The following CCSER1 variants were observed in gnomAD, a reference collection of about 807,000 sequenced individuals.
CCSER1 encodes the protein coiled-coil serine rich protein 1.
A neutral mutation model predicts 82.0 loss-of-function variants in CCSER1; 41 were observed. The ratio of observed to expected loss-of-function variants is 0.50; its 90% CI spans 0.39 to 0.65. The LOEUF (loss-of-function observed/expected upper bound fraction) is 0.65, where lower values mean the gene tolerates loss of function less well. Among genes scored for constraint, CCSER1 ranks in the 30% least tolerant of loss-of-function variants. CCSER1 has a pLI of 0.00. For synonymous variants in CCSER1, 414 were observed against 383.9 expected (o/e 1.08, Z -0.92); for missense variants, 1,119 against 1,064.2 (o/e 1.05, Z -0.72).
intron 9 of CCSER1, among the ~76,000 whole-genome samples, chr4:91,048,841 A>C (rs1345261392): frequency 6.6e-6 from 1 of 152,190 alleles, no homozygotes; most frequent in Non-Finnish European, 1.5e-5. Flanking sequence ...TCAAGTACAC[A>C]CTGCATTACA....
At chr4:91,208,058 T>C (rs748720053) in intron 10 of CCSER1, among the ~76,000 whole-genome samples, 10 of 151,774 alleles carry the variant, frequency 6.6e-5, no homozygotes, top group Non-Finnish European at 1.2e-4. Context: ...TGTCCTCTGT[T>C]CACTATTTAA....
intron 8 of CCSER1, among the ~76,000 whole-genome samples, chr4:90,841,484 A>G (rs62311117): frequency 0.28 from 42,370 of 150,160 alleles, 6,205 homozygotes; most frequent in South Asian, 0.33. Flanking sequence ...AGGCTGAGGC[A>G]GGAGAATGGC....
At chr4:90,303,217 G>A (rs987028282) in intron 1 of CCSER1, among the ~76,000 whole-genome samples, 1 of 152,132 alleles carries the variant, frequency 6.6e-6, no homozygotes, top group East Asian at 1.9e-4. Flanking sequence ...GTGGAAGTCT[G>A]GTGGTTTTCA....
At chr4:91,224,568 A>G (rs553150012) in intron 10 of CCSER1, among the ~76,000 whole-genome samples, 1 of 152,198 alleles carries the variant, frequency 6.6e-6, no homozygotes, top group Non-Finnish European at 1.5e-5. Flanking sequence ...GTTTGAATTA[A>G]ATTTAATAAG....
chr4:90,917,296 A>C (rs917110655), intron 8 of CCSER1, among the ~76,000 whole-genome samples: 7 of 152,210 alleles, frequency 4.6e-5, no homozygotes, highest in African/African-American at 7.2e-5. Flanking sequence ...CTGGATTAAG[A>C]AAATGTGGCA....
At chr4:90,841,146 A>C (rs543741262) in intron 8 of CCSER1, among the ~76,000 whole-genome samples, 1 of 150,916 alleles carries the variant, frequency 6.6e-6, no homozygotes, top group East Asian at 2.0e-4. Context: ...CAGCCAATGT[A>C]GAAGCTTGAG....
At chr4:90,233,559 C>T (rs536138778) in intron 1 of CCSER1, among the ~76,000 whole-genome samples, 47 of 151,616 alleles carry the variant, frequency 3.1e-4, no homozygotes, top group Non-Finnish European at 5.7e-4. Flanking sequence ...ACCAGCATGG[C>T]ACATGTATAC....
intron 10 of CCSER1, among the ~76,000 whole-genome samples, chr4:91,099,804 TC>T (rs1350385112): frequency 6.6e-6 from 1 of 152,166 alleles, no homozygotes; most frequent in Non-Finnish European, 1.5e-5. Context: ...AGACCAAGGT[TC>T]TTTTGAGGTC....
intron 3 of CCSER1, among the ~76,000 whole-genome samples, chr4:90,343,485 G>A (rs1741789097): frequency 1.3e-5 from 2 of 152,046 alleles, no homozygotes; most frequent in Admixed American, 6.6e-5. Flanking sequence ...GGTGGTAGTG[G>A]AGCGCGTTTG....
intron 10 of CCSER1, among the ~76,000 whole-genome samples, chr4:91,529,223 C>T (rs903499358): frequency 1.3e-5 from 2 of 152,036 alleles, no homozygotes; most frequent in African/African-American, 4.8e-5. Flanking sequence ...TTAAAATAGA[C>T]TGCACTTATC....
chr4:91,075,224 T>G (rs1721853576), intron 9 of CCSER1, among the ~76,000 whole-genome samples: 1 of 152,008 alleles, frequency 6.6e-6, no homozygotes, highest in African/African-American at 2.4e-5. Context: ...CCTGCCGTAC[T>G]AAACCATCTT....
At chr4:91,237,995 G>A (rs545890614) in intron 10 of CCSER1, among the ~76,000 whole-genome samples, 5 of 152,192 alleles carry the variant, frequency 3.3e-5, no homozygotes, top group Admixed American at 3.3e-4. Flanking sequence ...AAGCCTCTGG[G>A]GATAGAGAGT....
intron 8 of CCSER1, among the ~76,000 whole-genome samples, chr4:90,855,791 A>G (rs1764396066): frequency 6.6e-6 from 1 of 152,146 alleles, no homozygotes; most frequent in African/African-American, 2.4e-5. Context: ...CTTCATATAA[A>G]TGAAGAGGCT....
intron 10 of CCSER1, among the ~76,000 whole-genome samples, chr4:91,164,241 A>C: frequency 6.6e-6 from 1 of 152,154 alleles, no homozygotes; most frequent in Non-Finnish European, 1.5e-5. Context: ...TTCCTTTAAG[A>C]ATGTTGAATA....
At chr4:90,980,007 A>G (rs1362897946) in intron 9 of CCSER1, among the ~76,000 whole-genome samples, 3 of 151,806 alleles carry the variant, frequency 2.0e-5, no homozygotes, top group Admixed American at 2.0e-4. Context: ...TAATAAACTG[A>G]TACAGGATAT....
intron 7 of CCSER1, among the ~76,000 whole-genome samples, chr4:90,789,535 T>C (rs1328535504): frequency 6.6e-6 from 1 of 152,186 alleles, no homozygotes; most frequent in Non-Finnish European, 1.5e-5. Context: ...AAATCTCATC[T>C]TGAATTGTAA....
chr4:90,305,410 A>C (rs1307518446), intron 1 of CCSER1, among the ~76,000 whole-genome samples: 1 of 152,180 alleles, frequency 6.6e-6, no homozygotes, highest in African/African-American at 2.4e-5. Flanking sequence ...AAATTCTTCA[A>C]TAGGCATTGA....
intron 3 of CCSER1, among the ~76,000 whole-genome samples, chr4:90,391,489 C>T (rs6851521): frequency 0.012 from 1,005 of 80,972 alleles, 7 homozygotes; most frequent in African/African-American, 0.036. Context: ...TATATATACA[C>T]ACACACAGTG....
chr4:91,229,140 A>G (rs935889639), intron 10 of CCSER1, among the ~76,000 whole-genome samples: 1 of 152,064 alleles, frequency 6.6e-6, no homozygotes, highest in African/African-American at 2.4e-5. Context: ...ATGAACGAGG[A>G]AAGGTAAAGG....
Sources: gnomAD v4.1 joint callset for allele counts (sites outside exome capture counted in the v4.1 genomes callset) on GRCh38, gnomAD v4.1.1 for gene constraint, MANE v1.5 for transcripts, NCBI Gene and HGNC (gene_info 2026-07-23, HGNC 2026-07-21) for gene names.